DNAH11: variants seen among roughly 807,000 people sequenced by gnomAD.
DNAH11 encodes axonemal beta dynein heavy chain 11.
Under a neutral mutation model 526.0 loss-of-function variants are expected in DNAH11, and 442 were observed. That is an observed-to-expected ratio of 0.84 (90% CI 0.78 to 0.91). The LOEUF (loss-of-function observed/expected upper bound fraction) is 0.91. DNAH11 is among the 40% of genes least tolerant of loss of function. The pLI, the probability that DNAH11 is intolerant of heterozygous loss-of-function variation, is 0.00. For synonymous variants in DNAH11, 2,461 were observed against 1,935.9 expected (o/e 1.27, Z -7.12); for missense variants, 6,989 against 5,448.7 (o/e 1.28, Z -8.90).
rs1188415199 is a variant in DNAH11, at chr7:21,698,195, G to A, written c.6162G>A (p.Lys2054=). 1.7e-5 allele frequency: 28 copies of A among 1,613,364 alleles called. No homozygotes were observed. The highest frequency in any genetic ancestry group is 2.3e-5 in the Non-Finnish European group (27 of 1,179,664). The change falls in exon 36 of 82, where the codon AAG becomes AAA. Residue 2054 remains lysine, a synonymous_variant. Coordinates refer to ENST00000409508, the MANE Select transcript of DNAH11 (RefSeq NM_001277115.2). ...TCATTACGTTGTACACGCTTTGCAA[G>A]GAGCTTCTCTCCAAGCAGGTGAGGG... ...RKFITLYTLC[K]ELLSKQDHYD...
intron 55 of DNAH11, among the ~76,000 whole-genome samples, chr7:21,769,941 T>C (rs1036633359): frequency 6.6e-6 from 1 of 152,126 alleles, no homozygotes; most frequent in Non-Finnish European, 1.5e-5. Context: ...TGACCAGTAG[T>C]TGAGCTCCAG....
intron 66 of DNAH11, among the ~76,000 whole-genome samples, chr7:21,844,576 A>G (rs1383362941): frequency 6.6e-6 from 1 of 152,236 alleles, no homozygotes; most frequent in Non-Finnish European, 1.5e-5. Flanking sequence ...GGCCCTTTCC[A>G]GAAAACGATT....
intron 28 of DNAH11, among the ~76,000 whole-genome samples, chr7:21,645,676 T>TATATCTAAAAATAAGATATCTAAATCAG (rs1562724852): frequency 1.5e-5 from 2 of 135,794 alleles, no homozygotes; most frequent in African/African-American, 6.0e-5. Flanking sequence ...AGGAATCTAC[T>TATATCTAAAAATAAGATATCTAAATCAG]ATATCTAAAA....
chr7:21,572,037 A>G (rs577075359), intron 8 of DNAH11, 64 bp downstream of exon 8: 69 of 1,358,786 alleles, frequency 5.1e-5, no homozygotes, highest in Non-Finnish European at 6.5e-5. Context: ...GAAAAGGAAG[A>G]TAGGTCACAG....
intron 65 of DNAH11, among the ~76,000 whole-genome samples, chr7:21,834,390 G>A (rs7341536): frequency 6.6e-6 from 1 of 151,956 alleles, no homozygotes; most frequent in Admixed American, 6.6e-5. Flanking sequence ...AAAAATTGAA[G>A]GGATCTCAAA....
At chr7:21,561,276 G>A in intron 5 of DNAH11, 106 bp downstream of exon 5, 1 of 778,904 alleles carries the variant, frequency 1.3e-6, no homozygotes, top group Non-Finnish European at 2.1e-6. Flanking sequence ...TTTGTGGAGT[G>A]ATTGCTCATG....
At chr7:21,787,286 G>C (rs1788232583) in intron 59 of DNAH11, 115 bp from the exon 60 acceptor site, 1 of 964,104 alleles carries the variant, frequency 1.0e-6, no homozygotes, top group Non-Finnish European at 1.5e-6. Flanking sequence ...GATAAATGCA[G>C]CTTGCCAATT....
chr7:21,635,797 T>C, intron 25 of DNAH11, 74 bp from the exon 26 acceptor site: 2 of 1,226,282 alleles, frequency 1.6e-6, no homozygotes, highest in South Asian at 1.5e-5. Context: ...ACAGAGTAGA[T>C]ATAGTGCCTC....
chr7:21,626,382 G>T, intron 25 of DNAH11, among the ~76,000 whole-genome samples: 1 of 152,110 alleles, frequency 6.6e-6, no homozygotes, highest in East Asian at 1.9e-4. Flanking sequence ...GGTCAATTCT[G>T]TATTTTGGCT....
At chr7:21,580,051 A>T (rs142429020) in intron 8 of DNAH11, among the ~76,000 whole-genome samples, 1 of 152,326 alleles carries the variant, frequency 6.6e-6, no homozygotes, top group East Asian at 1.9e-4. Flanking sequence ...TCAGATTTGT[A>T]CTTGAACAAA....
intron 8 of DNAH11, among the ~76,000 whole-genome samples, chr7:21,574,627 G>C (rs1164204845): frequency 6.8e-6 from 1 of 146,232 alleles, no homozygotes; most frequent in Admixed American, 6.9e-5. Context: ...GCAATGGTGC[G>C]ATCTTAGCTC....
chr7:21,649,160 G>A (rs1787507561), intron 28 of DNAH11, among the ~76,000 whole-genome samples: 1 of 152,164 alleles, frequency 6.6e-6, no homozygotes, highest in Non-Finnish European at 1.5e-5. Context: ...GAAAGGATGT[G>A]GAGTAATGGG....
chr7:21,721,234 G>A (rs1297528981), intron 44 of DNAH11, among the ~76,000 whole-genome samples: 1 of 152,108 alleles, frequency 6.6e-6, no homozygotes, highest in Non-Finnish European at 1.5e-5. Flanking sequence ...TTGCTCAGTG[G>A]TACATTCTTC....
chr7:21,548,001 C>T (rs1234420934), intron 2 of DNAH11, among the ~76,000 whole-genome samples: 1 of 152,178 alleles, frequency 6.6e-6, no homozygotes, highest in African/African-American at 2.4e-5. Context: ...AATACGACAT[C>T]CCATTGCTGT....
At position 21,750,218 on chromosome 7, in the gene DNAH11, G is replaced by A. The variant is rs374160369; in HGVS notation, c.8798-4G>A. ...TTAGTAATTCTACTCATTCTTTGGG[G>A]CAGGAGAAATCCCAGATCTGTTCAG... On this transcript the variant is annotated splice_polypyrimidine_tract_variant and splice_region_variant and intron_variant, in intron 53 of 81. Coordinates refer to ENST00000409508, the MANE Select transcript of DNAH11 (RefSeq NM_001277115.2). 2.6e-4 allele frequency: 419 copies of A among 1,590,608 alleles called. 1 individual carries two copies. Among genetic ancestry groups the A allele is most frequent in the Non-Finnish European group, 3.5e-4 (407 of 1,170,822 alleles).
chr7:21,574,991 C>T (rs1784032446), intron 8 of DNAH11, among the ~76,000 whole-genome samples: 1 of 149,734 alleles, frequency 6.7e-6, no homozygotes, highest in Non-Finnish European at 1.5e-5. Context: ...TCTCCTGCCT[C>T]AGCCTTCTGA....
Position 21,687,130 on chromosome 7 carries a change from C to T in DNAH11, c.5653C>T (p.Leu1885=). ...TATTACCTTAACTCAATCACTTCAT[C>T]TAACCATGAGTGGGGCTCCTGCTGG... ...CYITLTQSLH[L]TMSGAPAGPA... is the part of the protein sequence containing the mutation. Residue 1885 remains leucine (L), a synonymous_variant, in exon 33 of 82, where the codon CTA becomes TTA. Coordinates refer to ENST00000409508, the MANE Select transcript of DNAH11 (RefSeq NM_001277115.2). The T allele has an allele frequency of 6.2e-7, 1 of 1,613,430 alleles. No individual in the cohort carries two copies. The highest frequency in any genetic ancestry group is 8.5e-7 in the Non-Finnish European group (1 of 1,179,668).
In DNAH11 at chr7:21,671,768, C is replaced by G. The variant is rs114347525; in HGVS notation, c.5329-9778C>G. Among the ~76,000 whole-genome samples the G allele has an allele frequency of 2.9e-3, 439 of 152,026 alleles. 2 individuals are homozygous for G. The highest frequency in any genetic ancestry group is 0.01 in the African/African-American group (421 of 41,480). On this transcript the variant is annotated intron_variant, in intron 30 of 81. Transcript: ENST00000409508. ...TATTGACTTTATACCTTTTTCTTTT[C>G]TAATATAAGCATTTAAAGGAACTTT...
intron 54 of DNAH11, among the ~76,000 whole-genome samples, chr7:21,757,581 A>G (rs1786693119): frequency 6.6e-6 from 1 of 152,238 alleles, no homozygotes; most frequent in Admixed American, 6.5e-5. Context: ...TTCAATCTGC[A>G]GGATGCTTTT....
Sources: gnomAD v4.1 joint callset for allele counts (sites outside exome capture counted in the v4.1 genomes callset) on GRCh38, gnomAD v4.1.1 for gene constraint, MANE v1.5 for transcripts, NCBI Gene and HGNC (gene_info 2026-07-23, HGNC 2026-07-21) for gene names.